UBTD2: variants seen among roughly 807,000 people sequenced by gnomAD.
The protein encoded by UBTD2 is ubiquitin domain-containing protein 2.
Under a neutral mutation model 19.8 loss-of-function variants are expected in UBTD2, and 9 were observed. The ratio of observed to expected loss-of-function variants is 0.46; its 90% confidence interval spans 0.27 to 0.79. The LOEUF (loss-of-function observed/expected upper bound fraction) is 0.79. Among genes scored for constraint, UBTD2 ranks in the 30% least tolerant of loss-of-function variants. The pLI is 0.14. For missense variants in UBTD2, 250 were observed against 300.4 expected (o/e 0.83, Z 1.24); for synonymous variants, 98 against 103.9 (o/e 0.94, Z 0.35).
chr5:172,224,298 C>CT (rs35105814), intron 2 of UBTD2, among the ~76,000 whole-genome samples: 36,897 of 121,472 alleles, frequency 0.3, 5,890 homozygotes, highest in South Asian at 0.4. Flanking sequence ...TTTTTCATTT[C>CT]TTTTTTTTTT....
At chr5:172,250,002 C>T (rs753990603) in intron 1 of UBTD2, among the ~76,000 whole-genome samples, 2 of 152,136 alleles carry the variant, frequency 1.3e-5, no homozygotes, top group Non-Finnish European at 2.9e-5. Flanking sequence ...GTGGGTTGAT[C>T]ATCTGAGGTC....
chr5:172,227,743 C>T (rs908456282), intron 2 of UBTD2, among the ~76,000 whole-genome samples: 5 of 118,472 alleles, frequency 4.2e-5, no homozygotes, highest in Non-Finnish European at 8.1e-5. Flanking sequence ...TTGCTCTTGT[C>T]GTCCAGGCTG....
chr5:172,246,812 G>A (rs1014747068), intron 1 of UBTD2, among the ~76,000 whole-genome samples: 1 of 132,606 alleles, frequency 7.5e-6, no homozygotes, highest in Admixed American at 8.8e-5. Flanking sequence ...CACCCAGGCT[G>A]GAGTATAATG....
At chr5:172,274,347 G>A (rs1029456849) in intron 1 of UBTD2, among the ~76,000 whole-genome samples, 1 of 151,702 alleles carries the variant, frequency 6.6e-6, no homozygotes, top group Non-Finnish European at 1.5e-5. Context: ...CACCATGTTG[G>A]CCAGGATGGT....
intron 2 of UBTD2, among the ~76,000 whole-genome samples, chr5:172,225,569 T>C (rs1771747911): frequency 6.6e-6 from 1 of 152,154 alleles, no homozygotes; most frequent in African/African-American, 2.4e-5. Flanking sequence ...CAGCTCAGTG[T>C]TAAAAATTTT....
chr5:172,248,860 G>A (rs1320265577), intron 1 of UBTD2, among the ~76,000 whole-genome samples: 1 of 151,092 alleles, frequency 6.6e-6, no homozygotes, highest in Non-Finnish European at 1.5e-5. Context: ...GATCACTTGA[G>A]CCTGGGAGGT....
intron 2 of UBTD2, among the ~76,000 whole-genome samples, chr5:172,225,933 CTTTTTTTTTTT>C (rs57155195): frequency 4.7e-5 from 5 of 107,514 alleles, no homozygotes; most frequent in South Asian, 3.0e-4. Flanking sequence ...GGCTTAAACT[CTTTTTTTTTTT>C]TTTTTTTTTT....
At chr5:172,280,264 T>C (rs1279518372) in intron 1 of UBTD2, among the ~76,000 whole-genome samples, 1 of 150,400 alleles carries the variant, frequency 6.6e-6, no homozygotes, top group African/African-American at 2.5e-5. Flanking sequence ...CCCAACACTT[T>C]GGGAAGCACA....
At chr5:172,242,407 G>C (rs745649451) in intron 1 of UBTD2, 3 of 985,276 alleles carry the variant, frequency 3.0e-6, no homozygotes, top group Non-Finnish European at 3.6e-6. Context: ...TTCCAATCAA[G>C]GCTTATGTGT....
At chr5:172,240,112 A>C (rs969397562) in intron 1 of UBTD2, among the ~76,000 whole-genome samples, 1 of 152,220 alleles carries the variant, frequency 6.6e-6, no homozygotes, top group Non-Finnish European at 1.5e-5. Context: ...GGTTATGACC[A>C]GACAAAGGAA....
At chr5:172,243,281 T>C (rs1772167137) in intron 1 of UBTD2, among the ~76,000 whole-genome samples, 1 of 152,296 alleles carries the variant, frequency 6.6e-6, no homozygotes, top group Non-Finnish European at 1.5e-5. Flanking sequence ...ACAATTGAAG[T>C]TCCACAGCAT....
rs1198750470 is a variant in UBTD2, at chr5:172,263,650, C to T, written c.70+19946G>A. Among the ~76,000 whole-genome samples, 6 of 152,088 alleles carry T rather than the reference C, an allele frequency of 3.9e-5. No individual in the cohort carries two copies. The East Asian group carries it at 9.7e-4, about 25-fold the overall frequency. On this transcript the variant is annotated intron_variant, in intron 1 of 2. Coordinates refer to ENST00000393792, the MANE Select transcript of UBTD2 (RefSeq NM_152277.3). ...TCTACTAAAAATACAAAAAATTAGC[C>T]AGGCACGGTGGCGGGCGCCTGTGGT...
intron 1 of UBTD2, among the ~76,000 whole-genome samples, chr5:172,272,428 G>A (rs954217450): frequency 6.6e-6 from 1 of 152,234 alleles, no homozygotes; most frequent in Non-Finnish European, 1.5e-5. Context: ...GGGATGAGGG[G>A]CATGGGGAGA....
intron 1 of UBTD2, among the ~76,000 whole-genome samples, chr5:172,249,453 C>G (rs1244009902): frequency 1.4e-5 from 2 of 144,944 alleles, no homozygotes; most frequent in Non-Finnish European, 3.0e-5. Context: ...TCAATCTCTT[C>G]CAAAAAATAG....
intron 1 of UBTD2, among the ~76,000 whole-genome samples, chr5:172,259,846 G>A (rs958047227): frequency 3.9e-5 from 6 of 152,054 alleles, no homozygotes; most frequent in African/African-American, 1.5e-4. Context: ...TTGAGGTCAG[G>A]AGTTCGATAC....
intron 1 of UBTD2, among the ~76,000 whole-genome samples, chr5:172,257,700 G>C (rs371190165): frequency 6.6e-6 from 1 of 152,094 alleles, no homozygotes; most frequent in South Asian, 2.1e-4. Context: ...TTCTGGTTCT[G>C]ATTTATATTT....
chr5:172,284,059 G>C (rs1163702204), upstream of UBTD2: 1 of 149,636 alleles, frequency 6.7e-6, no homozygotes, highest in Non-Finnish European at 1.5e-5. Flanking sequence ...ATCGGCCCCC[G>C]GCCCGCGGCG....
Position 172,248,294 on chromosome 5 carries a change from A to G in UBTD2, c.71-13936T>C, listed in dbSNP as rs148136422. Among the ~76,000 whole-genome samples the G allele has an allele frequency of 4.3e-3, 651 of 152,328 alleles. 3 individuals carry two copies. Among genetic ancestry groups the G allele is most frequent in the African/African-American group, 0.014 (566 of 41,576 alleles). ...ACAAAACCCAAAGGTAAAAGAACAT[A>G]AAGACTACAGCGAGGCTGGATGGGG... On this transcript the variant is annotated intron_variant, in intron 1 of 2. Transcript: ENST00000393792.
intron 1 of UBTD2, among the ~76,000 whole-genome samples, chr5:172,265,739 C>G (rs1448548346): frequency 6.6e-6 from 1 of 152,144 alleles, no homozygotes; most frequent in Non-Finnish European, 1.5e-5. Context: ...GTACTAGGCA[C>G]TATACCAGAT....
Sources: allele counts gnomAD v4.1 joint callset (sites outside exome capture counted in the v4.1 genomes callset), GRCh38; gene constraint gnomAD v4.1.1; transcripts MANE v1.5; gene names NCBI Gene and HGNC (gene_info 2026-07-23, HGNC 2026-07-21).